Variants in ANKRD22 observed in about 807,000 individuals in gnomAD.
ANKRD22 encodes ankyrin repeat domain-containing protein 22.
Under a neutral mutation model 25.7 loss-of-function variants are expected in ANKRD22, and 24 were observed. That is an observed-to-expected ratio of 0.93 (90% CI 0.68 to 1.31). ANKRD22 has a LOEUF of 1.31. ANKRD22 is among the 50% of genes most tolerant of loss of function. The probability of loss-of-function intolerance (pLI) is 0.00; values close to 1 mark genes in which losing one functional copy is unlikely to be tolerated. For missense variants in ANKRD22, 214 were observed against 227.1 expected (o/e 0.94, Z 0.37); for synonymous variants, 84 against 84.3 (o/e 1.00, Z 0.02).
intron 1 of ANKRD22, among the ~76,000 whole-genome samples, chr10:88,843,402 C>T (rs1844020818): frequency 6.6e-6 from 1 of 152,170 alleles, no homozygotes; most frequent in Non-Finnish European, 1.5e-5. Context: ...CCTTTCAAAT[C>T]CTCATCACGC....
chr10:88,850,892 T>C (rs1056187678), intron 1 of ANKRD22, among the ~76,000 whole-genome samples: 1 of 152,136 alleles, frequency 6.6e-6, no homozygotes, highest in Non-Finnish European at 1.5e-5. Context: ...CAGTTAATTG[T>C]GTCAGAGGAG....
intron 1 of ANKRD22, among the ~76,000 whole-genome samples, chr10:88,845,784 A>G (rs932873062): frequency 1.3e-5 from 2 of 152,072 alleles, no homozygotes; most frequent in African/African-American, 2.4e-5. Context: ...GCATCTCTCA[A>G]ATTTATTCTC....
intron 1 of ANKRD22, among the ~76,000 whole-genome samples, chr10:88,836,322 T>G (rs1343225804): frequency 6.6e-6 from 1 of 152,218 alleles, no homozygotes; most frequent in Admixed American, 6.5e-5. Context: ...ACATAGTGCC[T>G]GGCACATGGT....
At chr10:88,843,254 C>G (rs1347208086) in intron 1 of ANKRD22, among the ~76,000 whole-genome samples, 1 of 152,120 alleles carries the variant, frequency 6.6e-6, no homozygotes, top group African/African-American at 2.4e-5. Flanking sequence ...GGAAGAAATT[C>G]TCATTCACAT....
At chr10:88,846,320 C>T (rs147964911) in intron 1 of ANKRD22, among the ~76,000 whole-genome samples, 2 of 152,272 alleles carry the variant, frequency 1.3e-5, no homozygotes, top group Non-Finnish European at 2.9e-5. Flanking sequence ...ACACCCACAC[C>T]TATGTTCACT....
intron 1 of ANKRD22, among the ~76,000 whole-genome samples, chr10:88,837,562 A>G (rs1433541112): frequency 6.6e-6 from 1 of 152,212 alleles, no homozygotes; most frequent in African/African-American, 2.4e-5. Context: ...GTTTAGACTG[A>G]CTGAAATTTT....
chr10:88,834,064 A>T (rs1843930491), intron 1 of ANKRD22, among the ~76,000 whole-genome samples: 1 of 152,218 alleles, frequency 6.6e-6, no homozygotes, highest in Non-Finnish European at 1.5e-5. Flanking sequence ...GTCTCAACCA[A>T]CAAATCTTCC....
intron 1 of ANKRD22, among the ~76,000 whole-genome samples, chr10:88,842,771 A>G (rs746935277): frequency 5.9e-5 from 9 of 152,276 alleles, no homozygotes; most frequent in Middle Eastern, 3.4e-3. Context: ...TAAATGTTTC[A>G]CATACTTGGA....
At chr10:88,833,260 G>A (rs1221746372) in intron 1 of ANKRD22, among the ~76,000 whole-genome samples, 1 of 151,082 alleles carries the variant, frequency 6.6e-6, no homozygotes, top group Non-Finnish European at 1.5e-5. Context: ...TTCAGATGAT[G>A]TCTTTTAAAA....
intron 2 of ANKRD22, among the ~76,000 whole-genome samples, chr10:88,831,462 C>G (rs537860983): frequency 6.6e-6 from 1 of 152,226 alleles, no homozygotes; most frequent in South Asian, 2.1e-4. Context: ...ACTAATGAAA[C>G]AGCATTTCTT....
intron 1 of ANKRD22, among the ~76,000 whole-genome samples, chr10:88,841,216 G>A (rs1001149974): frequency 1.3e-5 from 2 of 152,052 alleles, no homozygotes; most frequent in African/African-American, 4.8e-5. Context: ...GAGGAGTAAG[G>A]GTGGAGGAAG....
At chr10:88,842,204 G>A (rs914088858) in intron 1 of ANKRD22, among the ~76,000 whole-genome samples, 1 of 152,018 alleles carries the variant, frequency 6.6e-6, no homozygotes, top group African/African-American at 2.4e-5. Context: ...ACTATATACT[G>A]AACTCTTTTT....
rs143034601 is a variant in ANKRD22 at position 88,850,932 on chromosome 10, A to G, written c.21+655T>C. Among the ~76,000 whole-genome samples, 151 of 152,240 alleles carry G rather than the reference A, an allele frequency of 9.9e-4. 3 individuals carry two copies. The East Asian group carries it at 0.026, about 26-fold the overall frequency. On this transcript the variant is annotated intron_variant, in intron 1 of 5. Coordinates refer to ENST00000371930, the MANE Select transcript of ANKRD22 (RefSeq NM_144590.3). ...AGAGTAAATTATGTATAATGACATC[A>G]TTACACCTCTTGTACTCTTGTCTAA... is the stretch of plus-strand genomic sequence containing the variant.
At chr10:88,846,855 T>C (rs994351546) in intron 1 of ANKRD22, among the ~76,000 whole-genome samples, 8 of 152,140 alleles carry the variant, frequency 5.3e-5, no homozygotes, top group African/African-American at 1.7e-4. Context: ...ATAGACTTGA[T>C]CTAGTGTGAG....
chr10:88,825,631 T>C (rs75931310), intron 4 of ANKRD22, among the ~76,000 whole-genome samples: 1 of 152,320 alleles, frequency 6.6e-6, no homozygotes, highest in East Asian at 1.9e-4. Flanking sequence ...ATATCCCCAT[T>C]TTACCGATGA....
chr10:88,833,014 A>G (rs1486019475), intron 1 of ANKRD22, among the ~76,000 whole-genome samples: 2 of 152,132 alleles, frequency 1.3e-5, no homozygotes, highest in Non-Finnish European at 2.9e-5. Context: ...GTCTTTTCTT[A>G]CTCCCAACAT....
chr10:88,822,673 G>A lies in ANKRD22; in HGVS notation c.*268C>T. Reference sequence around the variant, plus strand: ...GCTGGGATTACAGGCATGTACCACTGTGCCTAGCTGAAACATCAGTTTCTG... The same window carrying A: ...GCTGGGATTACAGGCATGTACCACTATGCCTAGCTGAAACATCAGTTTCTG... On this transcript the variant is annotated 3_prime_UTR_variant, in exon 6 of 6. Transcript: ENST00000371930. The A allele has an allele frequency of 2.9e-6, 1 of 342,550 alleles. No homozygotes were observed. Among genetic ancestry groups the A allele is most frequent in the East Asian group, 7.3e-5 (1 of 13,648 alleles). 21.2% of individuals were successfully genotyped at this position (342,550 alleles called of 1,614,324 possible).
At chr10:88,848,845 A>C (rs1470397973) in intron 1 of ANKRD22, among the ~76,000 whole-genome samples, 1 of 152,142 alleles carries the variant, frequency 6.6e-6, no homozygotes, top group Non-Finnish European at 1.5e-5. Context: ...TTTTCCAATA[A>C]AACTTGCTTG....
intron 1 of ANKRD22, 44 bp downstream of exon 1, chr10:88,851,543 A>T (rs765870847): frequency 1.2e-6 from 2 of 1,608,598 alleles, no homozygotes; most frequent in South Asian, 2.2e-5. Context: ...AGCATGAGTA[A>T]CTTTTAACAT....
Sources: allele counts gnomAD v4.1 joint callset (sites outside exome capture counted in the v4.1 genomes callset), GRCh38; gene constraint gnomAD v4.1.1; transcripts MANE v1.5; gene names NCBI Gene and HGNC (gene_info 2026-07-23, HGNC 2026-07-21).